The following FBXW10 variants were observed in gnomAD, a reference collection of about 807,000 sequenced individuals.
FBXW10 encodes F-box and WD repeat domain containing 10.
Under a neutral mutation model 113.1 loss-of-function variants are expected in FBXW10, and 68 were observed. The observed-to-expected ratio is 0.60, with a 90% CI of 0.49 to 0.74. The LOEUF is 0.74. Ranked by LOEUF, FBXW10 falls within the 30% of genes least tolerant of loss-of-function variation. FBXW10 has a pLI of 0.00. For missense variants in FBXW10, 753 were observed against 1,284.5 expected, an observed-to-expected ratio of 0.59 and a Z score of 6.32; for synonymous variants, 289 against 481.6, an observed-to-expected ratio of 0.60 and a Z score of 5.24.
chr17:18,748,397 C>A (rs1164766743), intron 2 of FBXW10, among the ~76,000 whole-genome samples: 3 of 109,046 alleles, frequency 2.8e-5, no homozygotes, highest in African/African-American at 1.0e-4. Flanking sequence ...GGCAACAGAG[C>A]GAGACTGTCT....
At position 18,769,978 on chromosome 17, in the gene FBXW10, A is replaced by G. The variant is rs1362832902; in HGVS notation, c.1899A>G (p.Ala633=). 1 of 1,614,084 alleles carries G rather than the reference A, an allele frequency of 6.2e-7. No individual in the cohort carries two copies. The highest frequency in any genetic ancestry group is 8.5e-7 in the Non-Finnish European group (1 of 1,180,042). ...TCCTCCGGGTCATCAGCGCCTGTGC[A>G]GATGGCAAGATCCGAATTTACAATT... ...LLFLRVISAC[A]DGKIRIYNFL... is the part of the protein sequence containing the mutation. Residue 633 remains alanine (A), a synonymous_variant, in exon 11 of 14, where the codon GCA becomes GCG. Transcript: ENST00000395665.
At chr17:18,748,360 G>A (rs1252053859) in intron 2 of FBXW10, among the ~76,000 whole-genome samples, 3 of 140,846 alleles carry the variant, frequency 2.1e-5, no homozygotes, top group African/African-American at 8.0e-5. Context: ...GCAGTGAGCC[G>A]AGATCATGCC....
At chr17:18,750,778 C>T (rs952170136) in intron 4 of FBXW10, among the ~76,000 whole-genome samples, 153 bp from the exon 5 acceptor site, 4 of 152,244 alleles carry the variant, frequency 2.6e-5, no homozygotes, top group Non-Finnish European at 5.9e-5. Context: ...GCCAGAGGAA[C>T]TGGCCAGAAG....
intron 6 of FBXW10, among the ~76,000 whole-genome samples, chr17:18,757,480 C>A (rs1320685514): frequency 6.6e-6 from 1 of 152,206 alleles, no homozygotes; most frequent in Non-Finnish European, 1.5e-5. Context: ...GTCCTAGTGT[C>A]ATTAATAATA....
chr17:18,771,413 G>A (rs2035611143), intron 11 of FBXW10, among the ~76,000 whole-genome samples: 1 of 152,178 alleles, frequency 6.6e-6, no homozygotes, highest in African/African-American at 2.4e-5. Context: ...AAAACTGGTG[G>A]GTTAGGGAGG....
chr17:18,766,778 C>G lies in FBXW10; in HGVS notation c.1620C>G (p.Thr540=). 4.3e-6 allele frequency: 7 copies of G among 1,612,800 alleles called. No homozygotes were observed. Among genetic ancestry groups the G allele is most frequent in the Non-Finnish European group, 5.9e-6 (7 of 1,179,014 alleles). ...TFRHKDPILA[T]RINDTYIVSS... ...GACACAAAGACCCCATCTTGGCCAC[C>G]AGGATCAATGATACCTACATTGTGA... The change falls in exon 9 of 14, where the codon ACC becomes ACG. Residue 540 remains threonine (T), a synonymous_variant. Coordinates refer to ENST00000395665, the MANE Select transcript of FBXW10 (RefSeq NM_001267585.2).
chr17:18,774,623 G>A (rs1029003607), intron 12 of FBXW10, among the ~76,000 whole-genome samples: 5 of 151,882 alleles, frequency 3.3e-5, no homozygotes, highest in African/African-American at 4.8e-5. Flanking sequence ...GAGAAACCCC[G>A]TCTCTACTAA....
At position 18,749,785 on chromosome 17, in the gene FBXW10, G is replaced by C. The variant is rs1287445626; in HGVS notation, c.734G>C (p.Gly245Ala). Residue 245 changes from glycine (G) to alanine (A), a missense_variant, in exon 3 of 14, where the codon GGA becomes GCA. By Grantham distance (60) the Gly-to-Ala change is moderately conservative (BLOSUM62 0). Transcript: ENST00000395665. ...SEMNRLFSGK[G>A]DITKPGYDPC... ...ATGAATAGGCTGTTTTCTGGAAAAG[G>C]AGACATAACCAAGCCAGGGTACGAT... is the stretch of plus-strand genomic sequence containing the variant. 1 of 1,614,228 alleles carries C rather than the reference G, an allele frequency of 6.2e-7. No individual in the cohort carries two copies. The highest frequency in any genetic ancestry group is 8.5e-7 in the Non-Finnish European group (1 of 1,180,034).
intron 8 of FBXW10, 140 bp downstream of exon 8, chr17:18,765,003 C>T (rs1203122617): frequency 6.4e-7 from 1 of 1,554,866 alleles, no homozygotes; most frequent in Non-Finnish European, 8.8e-7. Flanking sequence ...ACCCACCCAT[C>T]CTTCCTTCCT....
At chr17:18,772,275 C>G in intron 11 of FBXW10, 137 bp from the exon 12 acceptor site, 1 of 769,298 alleles carries the variant, frequency 1.3e-6, no homozygotes, top group Non-Finnish European at 2.2e-6. Flanking sequence ...CCTCCAGCTG[C>G]CTACACTACT....
intron 11 of FBXW10, among the ~76,000 whole-genome samples, chr17:18,772,093 C>A (rs1267600084): frequency 6.6e-6 from 1 of 151,874 alleles, no homozygotes; most frequent in African/African-American, 2.4e-5. Flanking sequence ...GGTGACAGAG[C>A]GAGACTCCTT....
intron 7 of FBXW10, among the ~76,000 whole-genome samples, chr17:18,760,034 G>A (rs1597595719): frequency 1.3e-5 from 2 of 152,162 alleles, no homozygotes; most frequent in South Asian, 4.1e-4. Flanking sequence ...GAATTTCTAG[G>A]AAGGAGTACT....
Position 18,768,632 on chromosome 17 carries a change from G to A in FBXW10, c.1803G>A (p.Met601Ile). The change falls in exon 10 of 14, where the codon ATG becomes ATA. Residue 601 changes from methionine to isoleucine, a missense_variant. Transcript: ENST00000395665. The part of the protein sequence containing the change: ...STDGLVMAWS[M>I]VGKYERCLMA... Reference sequence around the variant, plus strand: ...ATGGCCTGGTCATGGCCTGGAGCATGGTGGGGAAGTACGAGCGCTGCCTGA... The same window carrying A: ...ATGGCCTGGTCATGGCCTGGAGCATAGTGGGGAAGTACGAGCGCTGCCTGA... The A allele has an allele frequency of 6.2e-7, 1 of 1,613,962 alleles. No individual in the cohort carries two copies. Among genetic ancestry groups the A allele is most frequent in the Non-Finnish European group, 8.5e-7 (1 of 1,179,892 alleles).
intron 2 of FBXW10, among the ~76,000 whole-genome samples, chr17:18,749,472 G>A (rs1037003263): frequency 1.6e-4 from 25 of 152,160 alleles, no homozygotes; most frequent in East Asian, 5.8e-4. Context: ...GCGTGAACCC[G>A]GGAGGCGGAG....
intron 6 of FBXW10, 65 bp downstream of exon 6, chr17:18,756,219 A>G: frequency 2.7e-6 from 4 of 1,497,250 alleles, no homozygotes; most frequent in Non-Finnish European, 3.7e-6. Flanking sequence ...GACATTTGGG[A>G]TTTCCCTGAC....
chr17:18,767,946 C>T (rs1355065525), intron 9 of FBXW10, among the ~76,000 whole-genome samples: 4 of 152,164 alleles, frequency 2.6e-5, no homozygotes, highest in African/African-American at 9.7e-5. Context: ...CTCCTTAACC[C>T]GAGAGAGAGC....
Position 18,765,011 on chromosome 17 carries a change from C to T in FBXW10, c.1555+148C>T, listed in dbSNP as rs951789626. On this transcript the variant is annotated intron_variant, in intron 8 of 13. Transcript: ENST00000395665. ...TCCACCCACCCACCCATCCTTCCTT[C>T]CTTCCATCTATCAATCAATCCATCC... 3.2e-6 allele frequency: 5 copies of T among 1,549,712 alleles called. No individual in the cohort carries two copies. In the African/African-American group the frequency reaches 6.7e-5, roughly 21 times the overall value.
At position 18,744,249 on chromosome 17, in the gene FBXW10, A is replaced by G. The variant is rs748130978; in HGVS notation, c.5A>G (p.Glu2Gly). ...TGGACTGGTTATCTTAGGATCATGG[A>G]AAACCTGGAATCAAGGCTCAAGAAT... is the stretch of plus-strand genomic sequence containing the variant. The part of the protein sequence containing the change: M[E>G]NLESRLKNAP... The change falls in exon 1 of 14, where the codon GAA becomes GGA. Residue 2 changes from glutamate (E) to glycine (G), a missense_variant. Glu to Gly is a moderately conservative substitution (Grantham distance 98). Coordinates refer to ENST00000395665, the MANE Select transcript of FBXW10 (RefSeq NM_001267585.2). 6.4e-7 allele frequency: 1 copy of G among 1,552,248 alleles called. No homozygotes were observed.
intron 5 of FBXW10, among the ~76,000 whole-genome samples, chr17:18,753,450 TAGTC>T (rs1466426683): frequency 2.6e-5 from 4 of 152,126 alleles, no homozygotes; most frequent in African/African-American, 9.7e-5. Flanking sequence ...TAAAGACTCT[TAGTC>T]TGTAAGAGAG....
Sources: gnomAD v4.1 joint callset for allele counts (sites outside exome capture counted in the v4.1 genomes callset) on GRCh38, gnomAD v4.1.1 for gene constraint, MANE v1.5 for transcripts, NCBI Gene and HGNC (gene_info 2026-07-23, HGNC 2026-07-21) for gene names.